The following KCNH8 variants were observed in gnomAD, a reference collection of about 807,000 sequenced individuals.
KCNH8 encodes the protein potassium voltage-gated channel subfamily H member 8, also known as voltage-gated delayed rectifier potassium channel KCNH8.
Under a neutral mutation model 103.6 loss-of-function variants are expected in KCNH8, and 70 were observed. The observed-to-expected ratio is 0.68, with a 90% CI of 0.56 to 0.82. KCNH8 has a LOEUF of 0.82. Ranked by LOEUF, KCNH8 falls within the 40% of genes least tolerant of loss-of-function variation. The pLI is 0.00. For missense variants in KCNH8, 1,217 were observed against 1,329.9 expected (o/e 0.92, Z 1.32); for synonymous variants, 498 against 489.4 (o/e 1.02, Z -0.23).
chr3:19,313,233 G>A (rs760755313), intron 3 of KCNH8, among the ~76,000 whole-genome samples: 7 of 151,852 alleles, frequency 4.6e-5, no homozygotes, highest in African/African-American at 7.2e-5. Context: ...ATGGTTGTCT[G>A]AGGACAGCAT....
At chr3:19,408,218 G>C (rs929901687) in intron 7 of KCNH8, among the ~76,000 whole-genome samples, 1 of 151,938 alleles carries the variant, frequency 6.6e-6, no homozygotes, top group African/African-American at 2.4e-5. Flanking sequence ...GCTAAAAGAA[G>C]TACGTAGACA....
chr3:19,248,526 C>T (rs949845802), intron 1 of KCNH8, among the ~76,000 whole-genome samples: 3 of 152,130 alleles, frequency 2.0e-5, no homozygotes, highest in Non-Finnish European at 4.4e-5. Flanking sequence ...TTTTTGGAGA[C>T]TGAAATAGGT....
intron 1 of KCNH8, among the ~76,000 whole-genome samples, chr3:19,173,480 TA>T (rs1442308179): frequency 1.3e-5 from 2 of 152,224 alleles, no homozygotes; most frequent in Admixed American, 1.3e-4. Context: ...TAGAACTATT[TA>T]ATTTTTCTTT....
intron 1 of KCNH8, among the ~76,000 whole-genome samples, chr3:19,149,769 T>G (rs1315625914): frequency 6.6e-6 from 1 of 152,240 alleles, no homozygotes; most frequent in East Asian, 1.9e-4. Context: ...GTGCACTGTC[T>G]TCCATTTTTC....
chr3:19,396,994 AT>A (rs1405645494), intron 7 of KCNH8, among the ~76,000 whole-genome samples: 1 of 151,946 alleles, frequency 6.6e-6, no homozygotes, highest in African/African-American at 2.4e-5. Flanking sequence ...AGATGGGGAA[AT>A]TTAGCTTATT....
intron 13 of KCNH8, among the ~76,000 whole-genome samples, chr3:19,515,031 ATAT>A (rs1206640321): frequency 1.3e-5 from 2 of 151,782 alleles, no homozygotes; most frequent in Admixed American, 6.6e-5. Flanking sequence ...TATGTTCCAA[ATAT>A]TATTTTAAAT....
chr3:19,403,812 T>C (rs2066652282), intron 7 of KCNH8, among the ~76,000 whole-genome samples: 1 of 151,886 alleles, frequency 6.6e-6, no homozygotes, highest in Admixed American at 6.6e-5. Flanking sequence ...CTGAGGTTAA[T>C]TGTCATTCTG....
At chr3:19,157,367 G>A (rs1045003355) in intron 1 of KCNH8, among the ~76,000 whole-genome samples, 1 of 152,060 alleles carries the variant, frequency 6.6e-6, no homozygotes, top group Non-Finnish European at 1.5e-5. Flanking sequence ...GCAATGAGAA[G>A]GAGCTTTTGT....
intron 2 of KCNH8, among the ~76,000 whole-genome samples, chr3:19,273,129 T>C (rs1479312589): frequency 6.6e-6 from 1 of 152,228 alleles, no homozygotes; most frequent in Admixed American, 6.5e-5. Context: ...ACAGACGTTA[T>C]GTTTATTGGA....
chr3:19,303,350 A>G (rs1404245259), intron 3 of KCNH8, among the ~76,000 whole-genome samples: 1 of 152,190 alleles, frequency 6.6e-6, no homozygotes, highest in Non-Finnish European at 1.5e-5. Flanking sequence ...AGTAAGAACA[A>G]AATTTTAGAA....
At chr3:19,169,135 A>T (rs1228456277) in intron 1 of KCNH8, among the ~76,000 whole-genome samples, 1 of 151,972 alleles carries the variant, frequency 6.6e-6, no homozygotes, top group Non-Finnish European at 1.5e-5. Context: ...ACTCATTTTT[A>T]TGGAGCCAGT....
intron 3 of KCNH8, among the ~76,000 whole-genome samples, chr3:19,297,686 A>C (rs957670963): frequency 3.3e-5 from 5 of 152,204 alleles, no homozygotes; most frequent in Admixed American, 3.3e-4. Flanking sequence ...CAAACCTCTC[A>C]GAAGTATGCT....
At chr3:19,259,060 T>A (rs1004458680) in intron 2 of KCNH8, among the ~76,000 whole-genome samples, 2 of 149,190 alleles carry the variant, frequency 1.3e-5, no homozygotes, top group Admixed American at 6.7e-5. Context: ...GAAATACAAC[T>A]ATTTATTTTA....
intron 15 of KCNH8, among the ~76,000 whole-genome samples, chr3:19,524,876 CT>C (rs2069036298): frequency 6.6e-6 from 1 of 151,886 alleles, no homozygotes; most frequent in Non-Finnish European, 1.5e-5. Context: ...AACCACCCCT[CT>C]TGATAATAAC....
chr3:19,473,798 A>G (rs185993735), intron 11 of KCNH8, among the ~76,000 whole-genome samples: 10 of 152,336 alleles, frequency 6.6e-5, no homozygotes, highest in Admixed American at 5.9e-4. Context: ...ATTTATGTAG[A>G]GGGATTGAGA....
At chr3:19,336,820 G>A (rs2065590872) in intron 3 of KCNH8, among the ~76,000 whole-genome samples, 1 of 151,812 alleles carries the variant, frequency 6.6e-6, no homozygotes, top group South Asian at 2.1e-4. Context: ...CAAGTGCTCT[G>A]TTTTTTTAAA....
At chr3:19,211,338 C>T (rs752643626) in intron 1 of KCNH8, among the ~76,000 whole-genome samples, 1 of 152,110 alleles carries the variant, frequency 6.6e-6, no homozygotes, top group East Asian at 1.9e-4. Flanking sequence ...GGAGAGCCTA[C>T]TTGTCTGTTG....
chr3:19,316,527 G>A (rs2065276452), intron 3 of KCNH8, among the ~76,000 whole-genome samples: 2 of 152,042 alleles, frequency 1.3e-5, no homozygotes, highest in African/African-American at 4.8e-5. Context: ...TTTGAGTGGT[G>A]CATTATTACT....
intron 1 of KCNH8, among the ~76,000 whole-genome samples, chr3:19,210,998 A>C (rs543047854): frequency 4.5e-4 from 69 of 152,266 alleles, no homozygotes; most frequent in African/African-American, 1.6e-3. Flanking sequence ...TGATGCCACT[A>C]TCCTTAGCCT....
Sources: allele counts gnomAD v4.1 joint callset (sites outside exome capture counted in the v4.1 genomes callset), GRCh38; gene constraint gnomAD v4.1.1; transcripts MANE v1.5; gene names NCBI Gene and HGNC (gene_info 2026-07-23, HGNC 2026-07-21).